The following NGEF variants were observed in gnomAD, a reference collection of about 807,000 sequenced individuals.
NGEF encodes neuronal guanine nucleotide exchange factor.
NGEF carries 31 observed loss-of-function variants against 80.9 expected under a neutral mutation model. The ratio of observed to expected loss-of-function variants is 0.38; its 90% confidence interval spans 0.29 to 0.52. The LOEUF (loss-of-function observed/expected upper bound fraction) is 0.52, where lower values mean the gene tolerates loss of function less well. NGEF is among the 20% of genes least tolerant of loss of function. The pLI is 0.84. For synonymous variants in NGEF, 371 were observed against 370.2 expected, an observed-to-expected ratio of 1.00 and a Z score of -0.03; for missense variants, 709 against 926.2, an observed-to-expected ratio of 0.77 and a Z score of 3.04.
intron 3 of NGEF, among the ~76,000 whole-genome samples, chr2:232,961,741 C>T (rs1281167524): frequency 6.6e-6 from 1 of 152,050 alleles, no homozygotes; most frequent in African/African-American, 2.4e-5. Context: ...CGTGATCTGC[C>T]CGCCTTGGGC....
intron 5 of NGEF, among the ~76,000 whole-genome samples, chr2:232,897,098 T>TA (rs1692121131): frequency 5.8e-5 from 1 of 17,296 alleles, no homozygotes; most frequent in African/African-American, 2.3e-4. Flanking sequence ...TGGGATGGGG[T>TA]GGGGGAAGGG....
intron 4 of NGEF, among the ~76,000 whole-genome samples, chr2:232,922,267 A>C (rs1450220387): frequency 6.6e-6 from 1 of 152,258 alleles, no homozygotes. Context: ...AAAGAAAAAC[A>C]GACCACCTTC....
At chr2:232,904,947 T>C (rs1173381756) in intron 5 of NGEF, among the ~76,000 whole-genome samples, 1 of 152,018 alleles carries the variant, frequency 6.6e-6, no homozygotes, top group Non-Finnish European at 1.5e-5. Flanking sequence ...TGTCTCTAAA[T>C]AAAAAAACAA....
intron 3 of NGEF, chr2:232,928,255 G>C (rs1240867366): frequency 1.3e-6 from 1 of 763,106 alleles, no homozygotes; most frequent in African/African-American, 1.9e-5. Context: ...GCGGCGGGGC[G>C]GGGGCGCCCG....
At chr2:232,898,017 C>T (rs1429489910) in intron 5 of NGEF, among the ~76,000 whole-genome samples, 3 of 152,230 alleles carry the variant, frequency 2.0e-5, no homozygotes, top group Admixed American at 6.5e-5. Context: ...CAGCAGACCC[C>T]GAGTCGGCCA....
chr2:232,883,255 G>T, intron 12 of NGEF, 56 bp downstream of exon 12: 1 of 1,534,882 alleles, frequency 6.5e-7, no homozygotes, highest in Non-Finnish European at 8.8e-7. Flanking sequence ...TAGGCATCGA[G>T]GCCACACAGA....
At chr2:232,937,721 GTC>G (rs1325217156) in intron 3 of NGEF, among the ~76,000 whole-genome samples, 1 of 152,206 alleles carries the variant, frequency 6.6e-6, no homozygotes, top group African/African-American at 2.4e-5. Context: ...CTTGGTGTGA[GTC>G]TTTCTTCTCC....
chr2:232,954,052 A>T (rs1265654490), intron 3 of NGEF, among the ~76,000 whole-genome samples: 1 of 152,148 alleles, frequency 6.6e-6, no homozygotes, highest in Non-Finnish European at 1.5e-5. Flanking sequence ...TATTGGCGTG[A>T]GGATAACAGA....
chr2:232,885,418 G>A, intron 9 of NGEF, 49 bp from the exon 10 acceptor site: 1 of 1,519,590 alleles, frequency 6.6e-7, no homozygotes, highest in South Asian at 1.1e-5. Context: ...GGCTGTCCCG[G>A]CCCCTTCCTC....
Position 232,974,779 on chromosome 2 carries a change from T to C in NGEF, c.112A>G (p.Lys38Glu), listed in dbSNP as rs1559231255. The change falls in exon 2 of 15, where the codon AAA (lysine) becomes GAA (glutamate). Residue 38 changes from lysine to glutamate, a missense_variant. Physicochemically the swap from Lys to Glu is moderately conservative, Grantham distance 56 (BLOSUM62 1). This residue lies in a region of NGEF where 283 missense variants were observed against 303.4 expected (regional missense o/e 0.93). Coordinates refer to ENST00000264051, the MANE Select transcript of NGEF (RefSeq NM_019850.3). ...AKVKPELLPE[K>E]EETSQADQDI... ...TGGTCAGCTTGAGAAGTCTCCTCTT[T>C]TTCTGGGAGTAACTCAGGTTTCACC... 6.2e-7 allele frequency: 1 copy of C among 1,614,228 alleles called. No homozygotes were observed. Among genetic ancestry groups the C allele is most frequent in the Admixed American group, 1.7e-5 (1 of 60,024 alleles).
At chr2:232,923,386 G>A (rs1366525801) in intron 4 of NGEF, among the ~76,000 whole-genome samples, 1 of 152,178 alleles carries the variant, frequency 6.6e-6, no homozygotes, top group South Asian at 2.1e-4. Context: ...GAGGGCTTCT[G>A]TTTGAGTGCT....
chr2:232,910,792 C>T (rs1287982498), intron 5 of NGEF, among the ~76,000 whole-genome samples: 2 of 152,206 alleles, frequency 1.3e-5, no homozygotes, highest in Non-Finnish European at 2.9e-5. Flanking sequence ...TTCTGTATAT[C>T]TGCTTTGGTG....
intron 3 of NGEF, among the ~76,000 whole-genome samples, chr2:232,961,466 A>G (rs529540304): frequency 6.6e-6 from 1 of 152,126 alleles, no homozygotes; most frequent in Non-Finnish European, 1.5e-5. Context: ...CACCTGACCC[A>G]AGGATGGTCA....
At chr2:232,965,316 G>T (rs1694034105) in intron 3 of NGEF, among the ~76,000 whole-genome samples, 1 of 152,204 alleles carries the variant, frequency 6.6e-6, no homozygotes, top group Admixed American at 6.5e-5. Flanking sequence ...GAGCAAAATG[G>T]ACTTCAATAG....
intron 3 of NGEF, chr2:232,928,239 CG>C: frequency 1.2e-6 from 1 of 855,996 alleles, no homozygotes; most frequent in Non-Finnish European, 1.4e-6. Flanking sequence ...GGGGCGAGGC[CG>C]GGCGGCGGCG....
intron 5 of NGEF, chr2:232,905,715 G>A (rs761892933): frequency 6.3e-5 from 25 of 395,870 alleles, no homozygotes; most frequent in Admixed American, 1.9e-4. Context: ...CCGCCCGGCC[G>A]CCCATCGTCT....
At chr2:232,929,335 G>T (rs1483388818) in intron 3 of NGEF, among the ~76,000 whole-genome samples, 1 of 152,236 alleles carries the variant, frequency 6.6e-6, no homozygotes, top group African/African-American at 2.4e-5. Flanking sequence ...AATAAGGCAG[G>T]TGTGATCAAG....
intron 5 of NGEF, among the ~76,000 whole-genome samples, chr2:232,907,072 A>T (rs531094132): frequency 2.3e-4 from 34 of 149,638 alleles, no homozygotes; most frequent in African/African-American, 8.4e-4. Flanking sequence ...ACCTTTGTTC[A>T]CTTGTTTGTC....
At chr2:232,888,128 C>T (rs1233359785) in intron 8 of NGEF, 21 bp from the exon 9 acceptor site, 1 of 1,558,284 alleles carries the variant, frequency 6.4e-7, no homozygotes, top group Non-Finnish European at 8.7e-7. Context: ...AGAAAGGCTG[C>T]GTTAACTTTA....
Sources: gnomAD v4.1 joint callset for allele counts (sites outside exome capture counted in the v4.1 genomes callset) on GRCh38, gnomAD v4.1.1 for gene constraint, gnomAD v4.1.1 regional missense constraint, MANE v1.5 for transcripts, NCBI Gene and HGNC (gene_info 2026-07-23, HGNC 2026-07-21) for gene names.